Variants in RAP2A observed in about 807,000 individuals in gnomAD.
The protein encoded by RAP2A is RAP2A, member of RAS oncogene family, also known as ras-related protein Rap-2a.
A neutral mutation model predicts 15.1 loss-of-function variants in RAP2A; 5 were observed. The ratio of observed to expected loss-of-function variants is 0.33; its 90% CI spans 0.17 to 0.70. The LOEUF is 0.70. RAP2A is among the 30% of genes least tolerant of loss of function. The pLI is 0.68. For missense variants in RAP2A, 111 were observed against 240.3 expected (o/e 0.46, Z 3.56); for synonymous variants, 110 against 99.7 (o/e 1.10, Z -0.62).
intron 1 of RAP2A, among the ~76,000 whole-genome samples, chr13:97,445,629 C>G (rs560005666): frequency 2.0e-5 from 3 of 152,250 alleles, no homozygotes; most frequent in African/African-American, 7.2e-5. Context: ...GTGCTGTTAC[C>G]TTTATTGAAG....
Position 97,468,119 on chromosome 13 carries a change from A to C in RAP2A, c.*3677A>C, listed in dbSNP as rs1384666704. On this transcript the variant is annotated 3_prime_UTR_variant, in exon 2 of 2. Transcript: ENST00000245304. Reference sequence around the variant, plus strand: ...AATATTTTAGCTGATTTGAGAGTTCATCATATAAAAAGGCAGGTAGGTAGA... The same window carrying C: ...AATATTTTAGCTGATTTGAGAGTTCCTCATATAAAAAGGCAGGTAGGTAGA... The C allele has an allele frequency of 6.6e-6, 1 of 152,228 alleles. No homozygotes were observed. Among genetic ancestry groups the C allele is most frequent in the African/African-American group, 2.4e-5 (1 of 41,462 alleles). 9.4% of individuals were successfully genotyped at this position (152,228 alleles called of 1,614,324 possible). A position where few individuals can be genotyped will look rare whatever the true frequency, so the allele number is the denominator to read the frequency against.
intron 1 of RAP2A, among the ~76,000 whole-genome samples, chr13:97,456,399 G>A (rs945876987): frequency 3.3e-5 from 5 of 151,868 alleles, no homozygotes; most frequent in African/African-American, 1.2e-4. Context: ...ATTGTTTTTT[G>A]TGTTTTGTCC....
At chr13:97,435,513 C>G (rs1228595765) in intron 1 of RAP2A, among the ~76,000 whole-genome samples, 2 of 147,660 alleles carry the variant, frequency 1.4e-5, no homozygotes, top group African/African-American at 5.0e-5. Context: ...ACCACCAGTT[C>G]CTGGAAACAA....
At chr13:97,450,027 T>C (rs2066695821) in intron 1 of RAP2A, among the ~76,000 whole-genome samples, 1 of 152,070 alleles carries the variant, frequency 6.6e-6, no homozygotes, top group South Asian at 2.1e-4. Flanking sequence ...ATGATAAATA[T>C]TCTAAGATCT....
chr13:97,453,053 T>C (rs1242207252), intron 1 of RAP2A, among the ~76,000 whole-genome samples: 2 of 151,538 alleles, frequency 1.3e-5, no homozygotes, highest in Non-Finnish European at 2.9e-5. Context: ...GTCTTTTTTT[T>C]CTTTGCCTTT....
chr13:97,447,884 C>G (rs1224555099), intron 1 of RAP2A, among the ~76,000 whole-genome samples: 2 of 152,096 alleles, frequency 1.3e-5, no homozygotes, highest in Non-Finnish European at 2.9e-5. Context: ...CCTCAGGTCC[C>G]AGATGTAACT....
chr13:97,448,093 A>G (rs1486940442), intron 1 of RAP2A, among the ~76,000 whole-genome samples: 2 of 152,138 alleles, frequency 1.3e-5, no homozygotes, highest in Non-Finnish European at 2.9e-5. Flanking sequence ...GAACAGAATA[A>G]GGAAAGCTAC....
chr13:97,459,677 T>G (rs2066738410), intron 1 of RAP2A, among the ~76,000 whole-genome samples: 1 of 152,202 alleles, frequency 6.6e-6, no homozygotes. Context: ...CCCATCTTTG[T>G]TCACAGCCAC....
chr13:97,454,426 T>G (rs2066714428), intron 1 of RAP2A, among the ~76,000 whole-genome samples: 1 of 151,308 alleles, frequency 6.6e-6, no homozygotes, highest in South Asian at 2.1e-4. Flanking sequence ...TGTCTAATTT[T>G]TTATATTTTA....
At position 97,465,716 on chromosome 13, in the gene RAP2A, C is replaced by G. The variant is rs1438664609; in HGVS notation, c.*1274C>G. On this transcript the variant is annotated 3_prime_UTR_variant, in exon 2 of 2. Transcript: ENST00000245304. ...ATTTTGTTTTGAAAAGGTGCTCAAGCTCTGACATTTTTGGTTTTCATAGTC... is the reference window on the plus strand; with the variant it reads ...ATTTTGTTTTGAAAAGGTGCTCAAGGTCTGACATTTTTGGTTTTCATAGTC... The G allele has an allele frequency of 6.6e-6, 1 of 152,194 alleles. No individual in the cohort carries two copies. Among genetic ancestry groups the G allele is most frequent in the East Asian group, 1.9e-4 (1 of 5,192 alleles). 9.4% of individuals were successfully genotyped at this position (152,194 alleles called of 1,614,324 possible).
At chr13:97,436,989 C>T (rs565933742) in intron 1 of RAP2A, among the ~76,000 whole-genome samples, 8 of 152,308 alleles carry the variant, frequency 5.3e-5, no homozygotes, top group African/African-American at 1.4e-4. Context: ...CTCTTCTTTA[C>T]CAGTCTTTCA....
At chr13:97,436,756 TA>T (rs1342582373) in intron 1 of RAP2A, among the ~76,000 whole-genome samples, 5 of 152,238 alleles carry the variant, frequency 3.3e-5, no homozygotes, top group Non-Finnish European at 5.9e-5. Context: ...AGTATCATTT[TA>T]CTCACTAGTC....
chr13:97,440,502 T>C (rs149009878), intron 1 of RAP2A, among the ~76,000 whole-genome samples: 1 of 152,234 alleles, frequency 6.6e-6, no homozygotes, highest in East Asian at 1.9e-4. Flanking sequence ...ATATAACTAG[T>C]AAGTCAGGAT....
At chr13:97,458,263 A>G (rs1487230874) in intron 1 of RAP2A, among the ~76,000 whole-genome samples, 1 of 152,192 alleles carries the variant, frequency 6.6e-6, no homozygotes, top group Non-Finnish European at 1.5e-5. Flanking sequence ...TTCAAAGAGA[A>G]TTATATTTCA....
rs2066623136 is a variant in RAP2A, at chr13:97,434,357, G to A, written c.-114G>A. Reference sequence around the variant, plus strand: ...GGGGGCCGCCGCGGCTGTGAGGTGGGGGCGGCAGCGGGAGGCGGCGGGGCG... The same window carrying A: ...GGGGGCCGCCGCGGCTGTGAGGTGGAGGCGGCAGCGGGAGGCGGCGGGGCG... On this transcript the variant is annotated 5_prime_UTR_variant, in exon 1 of 2. Transcript: ENST00000245304. 1 of 865,894 alleles carries A rather than the reference G, an allele frequency of 1.2e-6. No individual in the cohort carries two copies. Among genetic ancestry groups the A allele is most frequent in the Admixed American group, 6.4e-5 (1 of 15,558 alleles). 53.6% of individuals were successfully genotyped at this position (865,894 alleles called of 1,614,324 possible).
At position 97,467,650 on chromosome 13, in the gene RAP2A, C is replaced by T. The variant is rs1279421644; in HGVS notation, c.*3208C>T. ...GGGTAAGCTTTAATTGTCCCTTAGC[C>T]AATCAAACATTAAGGACTATGGAGG... On this transcript the variant is annotated 3_prime_UTR_variant, in exon 2 of 2. Transcript: ENST00000245304. 6.7e-6 allele frequency: 1 copy of T among 148,408 alleles called. No homozygotes were observed. The allele number at this position is 148,408 out of a possible 1,614,324, so 9.2% of individuals were successfully genotyped here. A position where few individuals can be genotyped will look rare whatever the true frequency, so the allele number is the denominator to read the frequency against.
In RAP2A at chr13:97,468,757, T is replaced by C. The variant is rs1411393295; in HGVS notation, c.*4315T>C. On this transcript the variant is annotated 3_prime_UTR_variant, in exon 2 of 2. Coordinates refer to ENST00000245304, the MANE Select transcript of RAP2A (RefSeq NM_021033.7). ...AATTTTATTTGAAGTGTTTGTAAATTTTTTAATAAATTATTTAAATGTATC... is the reference window on the plus strand; with the variant it reads ...AATTTTATTTGAAGTGTTTGTAAATCTTTTAATAAATTATTTAAATGTATC... 6.6e-6 allele frequency: 1 copy of C among 152,234 alleles called. No individual in the cohort carries two copies. The highest frequency in any genetic ancestry group is 1.5e-5 in the Non-Finnish European group (1 of 68,044). 9.4% of individuals were successfully genotyped at this position (152,234 alleles called of 1,614,324 possible).
rs1384787914 is a variant in RAP2A, at chr13:97,467,274, AAAC to A, written c.*2835_*2837del. The A allele has an allele frequency of 6.6e-6, 1 of 152,600 alleles. No individual in the cohort carries two copies. The allele number at this position is 152,600 out of a possible 1,614,324, so 9.5% of individuals were successfully genotyped here. ...CCTTTCATTTTGTTCAACTTATACA[AAAC>A]AAGCCAGCATCTGATCAAAAGTATT... On this transcript the variant is annotated 3_prime_UTR_variant, in exon 2 of 2. Coordinates refer to ENST00000245304, the MANE Select transcript of RAP2A (RefSeq NM_021033.7).
chr13:97,458,246 T>C (rs1172935545), intron 1 of RAP2A, among the ~76,000 whole-genome samples: 1 of 152,158 alleles, frequency 6.6e-6, no homozygotes, highest in Non-Finnish European at 1.5e-5. Flanking sequence ...TGATTCTCAT[T>C]TCCAAATTCA....
Sources: gnomAD v4.1 joint callset for allele counts (sites outside exome capture counted in the v4.1 genomes callset) on GRCh38, gnomAD v4.1.1 for gene constraint, MANE v1.5 for transcripts, NCBI Gene and HGNC (gene_info 2026-07-23, HGNC 2026-07-21) for gene names.